SPAG9: variants seen among roughly 807,000 people sequenced by gnomAD.
The protein encoded by SPAG9 is sperm associated antigen 9.
SPAG9 carries 35 observed loss-of-function variants against 166.5 expected under a neutral mutation model. The observed-to-expected ratio is 0.21, with a 90% CI of 0.16 to 0.28. The LOEUF is 0.28. SPAG9 is among the 10% of genes least tolerant of loss of function. The probability of loss-of-function intolerance (pLI) is 1.00; values close to 1 mark genes in which losing one functional copy is unlikely to be tolerated. For synonymous variants in SPAG9, 534 were observed against 565.5 expected, an observed-to-expected ratio of 0.94 and a Z score of 0.79; for missense variants, 1,235 against 1,603.3, an observed-to-expected ratio of 0.77 and a Z score of 3.92.
intron 9 of SPAG9, among the ~76,000 whole-genome samples, chr17:51,009,587 T>C (rs1262831042): frequency 1.3e-5 from 2 of 152,208 alleles, no homozygotes; most frequent in Non-Finnish European, 2.9e-5. Context: ...TGTCCCACTA[T>C]AATATGTTGT....
chr17:51,046,904 A>C, intron 4 of SPAG9: 2 of 1,508,898 alleles, frequency 1.3e-6, no homozygotes. Flanking sequence ...CAGCCAGCCT[A>C]TTAACTATTT....
At position 51,021,295 on chromosome 17, in the gene SPAG9, A is replaced by G. The variant is rs149256351; in HGVS notation, c.854T>C (p.Val285Ala). The change falls in exon 7 of 30, where the codon GTG (valine) becomes GCG (alanine). Residue 285 changes from valine to alanine, a missense_variant. By Grantham distance (64) the Val-to-Ala change is moderately conservative (BLOSUM62 0). Around this residue, in one of 6 missense-constraint regions of SPAG9, gnomAD observed 288 missense variants for 323.7 expected, o/e 0.89. Coordinates refer to ENST00000262013, the MANE Select transcript of SPAG9 (RefSeq NM_001130528.3). ...GGGAGTATCAGTAGGAATTGTTGCCACATCTGAATTAGCTGTTGATGCTGG... is the reference window on the plus strand; with the variant it reads ...GGGAGTATCAGTAGGAATTGTTGCCGCATCTGAATTAGCTGTTGATGCTGG... ...TTPASTANSD[V>A]ATIPTDTPLK... 5.7e-5 allele frequency: 92 copies of G among 1,613,980 alleles called. No individual in the cohort carries two copies. Among genetic ancestry groups the G allele is most frequent in the Non-Finnish European group, 7.5e-5 (89 of 1,179,990 alleles).
At chr17:50,980,385 A>G (rs1974508628) in intron 25 of SPAG9, among the ~76,000 whole-genome samples, 1 of 151,740 alleles carries the variant, frequency 6.6e-6, no homozygotes, top group South Asian at 2.1e-4. Flanking sequence ...TTGTATTTTT[A>G]GTAGAGACAG....
At chr17:50,982,501 G>C (rs1256769756) in intron 25 of SPAG9, 23 bp downstream of exon 25, 1 of 1,590,380 alleles carries the variant, frequency 6.3e-7, no homozygotes, top group Non-Finnish European at 8.5e-7. Context: ...AATAAATACA[G>C]AAAACATAGG....
intron 9 of SPAG9, among the ~76,000 whole-genome samples, chr17:51,012,495 G>C (rs1301386579): frequency 1.3e-5 from 2 of 151,668 alleles, no homozygotes; most frequent in East Asian, 3.9e-4. Flanking sequence ...ACTTGAACCA[G>C]GGAGGCAGAG....
At chr17:51,007,961 G>C in intron 9 of SPAG9, 1 of 330,616 alleles carries the variant, frequency 3.0e-6, no homozygotes, top group Non-Finnish European at 6.1e-6. Flanking sequence ...TACATGATAT[G>C]AAAAACATCT....
intron 1 of SPAG9, among the ~76,000 whole-genome samples, chr17:51,102,804 TTATTAA>T (rs2048843853): frequency 6.6e-6 from 1 of 152,062 alleles, no homozygotes. Context: ...GCACCTGGCA[TTATTAA>T]TATTATCACT....
chr17:50,965,609 CTT>C lies in SPAG9; in HGVS notation c.*661_*662del, dbSNP rs773370581. 1 of 152,126 alleles carries C rather than the reference CTT, an allele frequency of 6.6e-6. No homozygotes were observed. The highest frequency in any genetic ancestry group is 1.5e-5 in the Non-Finnish European group (1 of 68,028). 9.4% of individuals were successfully genotyped at this position (152,126 alleles called of 1,614,324 possible). On this transcript the variant is annotated 3_prime_UTR_variant, in exon 30 of 30. Coordinates refer to ENST00000262013, the MANE Select transcript of SPAG9 (RefSeq NM_001130528.3). ...TATTCAGAGAAGTAGGCCTCATAAA[CTT>C]TAGAGCTCTAATAAGTCAGAAACAG...
intron 9 of SPAG9, chr17:51,009,099 A>T (rs9911869): frequency 0.018 from 8,138 of 444,742 alleles, 573 homozygotes; most frequent in African/African-American, 0.15. Flanking sequence ...CTTAAAAAGC[A>T]GTAATATTAA....
At chr17:51,100,214 T>C (rs1354866261) in intron 1 of SPAG9, among the ~76,000 whole-genome samples, 1 of 152,232 alleles carries the variant, frequency 6.6e-6, no homozygotes, top group Admixed American at 6.5e-5. Context: ...TGCTGAGAAT[T>C]CTGTTTAATT....
chr17:51,101,291 AG>A (rs1348379187), intron 1 of SPAG9, among the ~76,000 whole-genome samples: 2 of 144,696 alleles, frequency 1.4e-5, no homozygotes, highest in Non-Finnish European at 3.0e-5. Flanking sequence ...GGTTACAGTG[AG>A]CCGAGATCGC....
chr17:51,067,283 T>C (rs1323430867), intron 2 of SPAG9, among the ~76,000 whole-genome samples: 1 of 152,194 alleles, frequency 6.6e-6, no homozygotes, highest in Non-Finnish European at 1.5e-5. Flanking sequence ...TAAGATGGTA[T>C]AAACACTTTT....
intron 6 of SPAG9, 36 bp downstream of exon 6, chr17:51,031,645 T>C (rs1375609864): frequency 3.3e-6 from 5 of 1,497,576 alleles, no homozygotes; most frequent in Non-Finnish European, 4.6e-6. Flanking sequence ...CACTTTAGTA[T>C]ACTTTTTGCA....
At chr17:50,967,862 T>TA (rs1973477953) in intron 29 of SPAG9, among the ~76,000 whole-genome samples, 1 of 152,244 alleles carries the variant, frequency 6.6e-6, no homozygotes, top group Non-Finnish European at 1.5e-5. Context: ...TAGCCTATGC[T>TA]AAAGACAAGT....
chr17:51,046,519 T>G (rs1178638326), intron 4 of SPAG9: 1 of 1,536,092 alleles, frequency 6.5e-7, no homozygotes, highest in African/African-American at 1.4e-5. Context: ...CTTGGTAGGT[T>G]CTGCGTCAGA....
intron 2 of SPAG9, among the ~76,000 whole-genome samples, chr17:51,060,011 GA>G (rs907986618): frequency 1.3e-5 from 2 of 150,882 alleles, no homozygotes; most frequent in South Asian, 4.2e-4. Flanking sequence ...TTTTTAAAAG[GA>G]AAAAAAAATT....
chr17:51,021,839 G>A (rs140442583), intron 6 of SPAG9, among the ~76,000 whole-genome samples: 89 of 142,550 alleles, frequency 6.2e-4, no homozygotes, highest in African/African-American at 2.1e-3. Flanking sequence ...TGCTTGAAGT[G>A]CTTGTTAAAA....
rs752015082 is a variant in SPAG9 at position 51,079,707 on chromosome 17, A to G, written c.304-3T>C. 1.3e-6 allele frequency: 2 copies of G among 1,514,568 alleles called. No homozygotes were observed. The highest frequency in any genetic ancestry group is 1.8e-6 in the Non-Finnish European group (2 of 1,099,374). The allele number at this position is 1,514,568 out of a possible 1,614,324, so 93.8% of individuals were successfully genotyped here. On this transcript the variant is annotated splice_region_variant and splice_polypyrimidine_tract_variant and intron_variant, in intron 1 of 29. Transcript: ENST00000262013. ...GAGTCTTCAAATTCAATGAATTTCTAATAAAGAAGAACAATATAAATTTAA... is the reference window on the plus strand; with the variant it reads ...GAGTCTTCAAATTCAATGAATTTCTGATAAAGAAGAACAATATAAATTTAA...
At chr17:51,059,550 G>A (rs140986910) in intron 2 of SPAG9, among the ~76,000 whole-genome samples, 63 of 152,076 alleles carry the variant, frequency 4.1e-4, no homozygotes, top group African/African-American at 1.4e-3. Context: ...TCAGAAGTTC[G>A]AGAACAGCCT....
Sources: allele counts gnomAD v4.1 joint callset (sites outside exome capture counted in the v4.1 genomes callset), GRCh38; gene constraint gnomAD v4.1.1; regional missense constraint gnomAD v4.1.1; transcripts MANE v1.5; gene names NCBI Gene and HGNC (gene_info 2026-07-23, HGNC 2026-07-21).